OVCH1: variants seen among roughly 807,000 people sequenced by gnomAD.
OVCH1 encodes the protein ovochymase-1.
A neutral mutation model predicts 138.4 loss-of-function variants in OVCH1; 139 were observed. That is an observed-to-expected ratio of 1.00 (90% confidence interval 0.87 to 1.16). OVCH1 has a LOEUF of 1.16. Among genes scored for constraint, OVCH1 ranks in the 50% most tolerant of loss-of-function variants. The pLI is 0.00. For synonymous variants in OVCH1, 453 were observed against 467.8 expected, an observed-to-expected ratio of 0.97 and a Z score of 0.41; for missense variants, 1,367 against 1,357.9, an observed-to-expected ratio of 1.01 and a Z score of -0.11.
At chr12:29,475,129 A>G (rs1406930955) in exon 14 of OVCH1, 3 of 1,567,102 alleles carry the variant, frequency 1.9e-6, no homozygotes, top group Admixed American at 3.8e-5. Flanking sequence ...TTTAAAGTAT[A>G]TCACCGTCAT....
At chr12:29,462,209 A>G (rs1035477018) in intron 18 of OVCH1, among the ~76,000 whole-genome samples, 4 of 152,170 alleles carry the variant, frequency 2.6e-5, no homozygotes, top group African/African-American at 9.6e-5. Flanking sequence ...GCATTTTTGT[A>G]AAGAGAGGCC....
intron 20 of OVCH1, 89 bp downstream of exon 20, chr12:29,455,160 T>C (rs1252670044): frequency 7.0e-7 from 1 of 1,436,210 alleles, no homozygotes. Context: ...TGGTTTTCTC[T>C]TTCATGCTAA....
chr12:29,467,684 T>C (rs939432306), intron 16 of OVCH1, among the ~76,000 whole-genome samples: 19 of 152,114 alleles, frequency 1.2e-4, no homozygotes, highest in African/African-American at 4.3e-4. Context: ...GTGAGCTTGG[T>C]CTCCAAAAGT....
At chr12:29,473,906 C>T (rs1251146418) in intron 14 of OVCH1, among the ~76,000 whole-genome samples, 1 of 152,090 alleles carries the variant, frequency 6.6e-6, no homozygotes, top group African/African-American at 2.4e-5. Context: ...CCTAGCCTCC[C>T]AGCCTACATC....
At chr12:29,475,294 C>T (rs1358855080) in intron 13 of OVCH1, 105 bp from the exon 14 acceptor site, 1 of 950,986 alleles carries the variant, frequency 1.1e-6, no homozygotes, top group East Asian at 3.1e-5. Flanking sequence ...TTAGTTTTCT[C>T]CAACTTTGAT....
chr12:29,486,759 A>G, intron 7 of OVCH1: 1 of 333,808 alleles, frequency 3.0e-6, no homozygotes, highest in South Asian at 2.4e-5. Context: ...TAAATCACTT[A>G]TCATGTTCTG....
intron 22 of OVCH1, among the ~76,000 whole-genome samples, chr12:29,450,699 A>G (rs1466879922): frequency 6.6e-6 from 1 of 152,226 alleles, no homozygotes; most frequent in Non-Finnish European, 1.5e-5. Context: ...TCATTCTGCT[A>G]TAAAGACACA....
intron 22 of OVCH1, among the ~76,000 whole-genome samples, chr12:29,449,696 G>A (rs1941725391): frequency 6.6e-6 from 1 of 152,026 alleles, no homozygotes. Context: ...AAATAAGCCT[G>A]TATAGCCAAG....
exon 1 of OVCH1, chr12:29,497,671 T>C: frequency 2.5e-6 from 4 of 1,613,996 alleles, no homozygotes; most frequent in Non-Finnish European, 2.5e-6. Flanking sequence ...AAACCAGCAC[T>C]GGCCAGCAGG....
At position 29,475,050 on chromosome 12, in the gene OVCH1, T is replaced by A; in HGVS notation, c.1600+11A>T. On this transcript the variant is annotated intron_variant, in intron 14 of 27. Coordinates refer to ENST00000318184, the Ensembl canonical transcript of OVCH1. ...AACAAAAGTCCTTATTACACAAATGTTTATACTCACCTGAGGGCAAAATGG... is the reference window on the plus strand; with the variant it reads ...AACAAAAGTCCTTATTACACAAATGATTATACTCACCTGAGGGCAAAATGG... 6.3e-7 allele frequency: 1 copy of A among 1,577,976 alleles called. No homozygotes were observed. The highest frequency in any genetic ancestry group is 8.6e-7 in the Non-Finnish European group (1 of 1,160,488).
chr12:29,464,860 C>T, intron 17 of OVCH1, 158 bp from the exon 18 acceptor site: 2 of 724,044 alleles, frequency 2.8e-6, no homozygotes, highest in Non-Finnish European at 4.4e-6. Flanking sequence ...TATTGGTTTA[C>T]AATTTGCAGG....
chr12:29,465,626 G>A (rs999595825), intron 16 of OVCH1, among the ~76,000 whole-genome samples: 2 of 152,044 alleles, frequency 1.3e-5, no homozygotes, highest in African/African-American at 2.4e-5. Flanking sequence ...TTGCCTCTGC[G>A]ATCTCCCTCC....
intron 25 of OVCH1, chr12:29,439,440 A>T: frequency 6.8e-7 from 1 of 1,470,830 alleles, no homozygotes. Context: ...TGAAGCTAAG[A>T]TGGTCTGAGA....
chr12:29,478,131 AAC>A (rs1942805887), intron 9 of OVCH1, among the ~76,000 whole-genome samples: 1 of 152,200 alleles, frequency 6.6e-6, no homozygotes, highest in Non-Finnish European at 1.5e-5. Flanking sequence ...TATCATGGTT[AAC>A]ACAGAGTATT....
At chr12:29,487,422 C>G (rs997396251) in intron 7 of OVCH1, 1 of 300,682 alleles carries the variant, frequency 3.3e-6, no homozygotes, top group African/African-American at 2.2e-5. Flanking sequence ...GAAAGAATCC[C>G]CTGATGAGTC....
chr12:29,439,325 C>T, intron 26 of OVCH1: 2 of 1,503,490 alleles, frequency 1.3e-6, no homozygotes, highest in Non-Finnish European at 8.9e-7. Context: ...TTGAGTTACT[C>T]ACCACTGAAT....
At chr12:29,447,880 A>C (rs1354643762) in intron 22 of OVCH1, among the ~76,000 whole-genome samples, 1 of 152,038 alleles carries the variant, frequency 6.6e-6, no homozygotes, top group Non-Finnish European at 1.5e-5. Flanking sequence ...AGTGCCTTCT[A>C]TGTGTTGGGC....
At chr12:29,409,976 A>T (rs1371054605), downstream of OVCH1, among the ~76,000 whole-genome samples, 1 of 152,096 alleles carries the variant, frequency 6.6e-6, no homozygotes, top group Non-Finnish European at 1.5e-5. Flanking sequence ...GACTTGCTTT[A>T]TGAATCTGGG....
intron 14 of OVCH1, among the ~76,000 whole-genome samples, chr12:29,474,439 G>A (rs1415966159): frequency 6.6e-6 from 1 of 152,146 alleles, no homozygotes; most frequent in East Asian, 1.9e-4. Context: ...ATGAGATAAT[G>A]CATGTGAAAT....
Sources: gnomAD v4.1 joint callset for allele counts (sites outside exome capture counted in the v4.1 genomes callset) on GRCh38, gnomAD v4.1.1 for gene constraint, MANE v1.5 for transcripts, NCBI Gene and HGNC (gene_info 2026-07-23, HGNC 2026-07-21) for gene names.